The following KCTD16 variants were observed in gnomAD, a reference collection of about 807,000 sequenced individuals.
KCTD16 encodes BTB/POZ domain-containing protein KCTD16.
Under a neutral mutation model 33.2 loss-of-function variants are expected in KCTD16, and 13 were observed. The ratio of observed to expected loss-of-function variants is 0.39; its 90% CI spans 0.25 to 0.62. The LOEUF is 0.62. KCTD16 is among the 20% of genes least tolerant of loss of function. The pLI is 0.50. For missense variants in KCTD16, 441 were observed against 525.1 expected, an observed-to-expected ratio of 0.84 and a Z score of 1.57; for synonymous variants, 197 against 195.3, an observed-to-expected ratio of 1.01 and a Z score of -0.07.
At chr5:144,382,065 A>C (rs1580918404) in intron 3 of KCTD16, among the ~76,000 whole-genome samples, 1 of 142,908 alleles carries the variant, frequency 7.0e-6, no homozygotes, top group East Asian at 1.9e-4. Context: ...AATACTATGC[A>C]GCCCTAAAAA....
intron 3 of KCTD16, among the ~76,000 whole-genome samples, chr5:144,248,846 T>C (rs951910529): frequency 1.3e-5 from 2 of 152,170 alleles, no homozygotes; most frequent in Non-Finnish European, 1.5e-5. Flanking sequence ...GTTTGGGACA[T>C]GTTGAGTTTG....
chr5:144,186,351 T>A (rs1452309430), intron 2 of KCTD16, among the ~76,000 whole-genome samples: 1 of 121,788 alleles, frequency 8.2e-6, no homozygotes, highest in Admixed American at 7.9e-5. Context: ...CTCATTTTTT[T>A]TAAAAAAAAA....
At chr5:144,366,585 G>T (rs1048188783) in intron 3 of KCTD16, among the ~76,000 whole-genome samples, 2 of 152,138 alleles carry the variant, frequency 1.3e-5, no homozygotes, top group Non-Finnish European at 2.9e-5. Flanking sequence ...AATCTATGAA[G>T]CTTCAAGATG....
At chr5:144,286,605 G>T (rs1331379116) in intron 3 of KCTD16, among the ~76,000 whole-genome samples, 1 of 152,212 alleles carries the variant, frequency 6.6e-6, no homozygotes, top group East Asian at 1.9e-4. Flanking sequence ...GGGGGCTGGT[G>T]CTGGAGAAAC....
intron 3 of KCTD16, among the ~76,000 whole-genome samples, chr5:144,358,592 TA>T (rs1207981217): frequency 6.6e-6 from 1 of 152,160 alleles, no homozygotes; most frequent in African/African-American, 2.4e-5. Flanking sequence ...GCCCTGTTAG[TA>T]AATTCCACAA....
At chr5:144,288,703 C>T (rs985226871) in intron 3 of KCTD16, among the ~76,000 whole-genome samples, 5 of 152,286 alleles carry the variant, frequency 3.3e-5, no homozygotes, top group African/African-American at 1.2e-4. Flanking sequence ...GGCATGGTGG[C>T]TCATGCCTGT....
At chr5:144,354,875 T>C (rs1367163504) in intron 3 of KCTD16, among the ~76,000 whole-genome samples, 1 of 152,216 alleles carries the variant, frequency 6.6e-6, no homozygotes, top group Non-Finnish European at 1.5e-5. Context: ...GAGTGTCATG[T>C]ATTTGAAGAT....
At chr5:144,402,423 G>A (rs1236170382) in intron 3 of KCTD16, among the ~76,000 whole-genome samples, 2 of 152,138 alleles carry the variant, frequency 1.3e-5, no homozygotes, top group African/African-American at 4.8e-5. Context: ...CCTGTGTCGA[G>A]TGAGGTCGTC....
intron 3 of KCTD16, among the ~76,000 whole-genome samples, chr5:144,219,652 C>G (rs1452474292): frequency 1.5e-4 from 23 of 151,426 alleles, no homozygotes; most frequent in Non-Finnish European, 1.5e-5. Context: ...TCCTGAGTAG[C>G]TGGGACTCCA....
At chr5:144,285,489 G>A (rs1383689237) in intron 3 of KCTD16, among the ~76,000 whole-genome samples, 1 of 151,928 alleles carries the variant, frequency 6.6e-6, no homozygotes, top group Non-Finnish European at 1.5e-5. Context: ...TCCATCCATC[G>A]CTTATGTAGC....
At chr5:144,213,518 T>C (rs1753465802) in intron 3 of KCTD16, among the ~76,000 whole-genome samples, 1 of 152,118 alleles carries the variant, frequency 6.6e-6, no homozygotes, top group Non-Finnish European at 1.5e-5. Context: ...CTCATCCATC[T>C]CTATGATCTC....
chr5:144,416,716 G>C (rs1753062668), intron 3 of KCTD16, among the ~76,000 whole-genome samples: 1 of 152,034 alleles, frequency 6.6e-6, no homozygotes, highest in South Asian at 2.1e-4. Context: ...TCTATATCAA[G>C]CTCCAAAACA....
rs190112286 is a variant in KCTD16 at position 144,261,658 on chromosome 5, T to C, written c.832+54112T>C. Among the ~76,000 whole-genome samples, 52 of 152,358 alleles carry C rather than the reference T, an allele frequency of 3.4e-4. 1 individual carries two copies. Among genetic ancestry groups the C allele is most frequent in the Middle Eastern group, 3.4e-3 (1 of 294 alleles). On this transcript the variant is annotated intron_variant, in intron 3 of 3. Transcript: ENST00000512467. ...CCTCTGTGAAATCTGGAAATGGATA[T>C]TCAAAGTGTAAAAATTCCTTGCAGT...
At chr5:144,173,248 G>T (rs910730203) in intron 1 of KCTD16, among the ~76,000 whole-genome samples, 6 of 152,212 alleles carry the variant, frequency 3.9e-5, no homozygotes, top group Non-Finnish European at 8.8e-5. Context: ...ATCCATCATA[G>T]ACTGGATAAA....
At chr5:144,192,640 T>C (rs1338943364) in intron 2 of KCTD16, among the ~76,000 whole-genome samples, 3 of 152,306 alleles carry the variant, frequency 2.0e-5, no homozygotes, top group East Asian at 3.9e-4. Context: ...TTTTCATTTA[T>C]GACAGAACCT....
At chr5:144,335,425 GC>G (rs1237840766) in intron 3 of KCTD16, among the ~76,000 whole-genome samples, 1 of 152,162 alleles carries the variant, frequency 6.6e-6, no homozygotes, top group Non-Finnish European at 1.5e-5. Context: ...TGTGATAATG[GC>G]TTCTAATTGT....
At chr5:144,207,716 A>G (rs940277020) in intron 3 of KCTD16, among the ~76,000 whole-genome samples, 170 bp downstream of exon 3, 7 of 152,232 alleles carry the variant, frequency 4.6e-5, no homozygotes, top group African/African-American at 1.4e-4. Context: ...GTCTAACCTA[A>G]GGCAACTTTT....
chr5:144,241,554 A>G (rs1754404527), intron 3 of KCTD16, among the ~76,000 whole-genome samples: 1 of 152,196 alleles, frequency 6.6e-6, no homozygotes, highest in Admixed American at 6.5e-5. Context: ...CTTGCATGTG[A>G]ATAAATATGA....
intron 3 of KCTD16, among the ~76,000 whole-genome samples, chr5:144,417,811 T>C (rs544586499): frequency 1.1e-4 from 17 of 152,286 alleles, no homozygotes; most frequent in African/African-American, 3.6e-4. Context: ...TTCTTCTGCA[T>C]ATGGATATGC....
Sources: allele counts gnomAD v4.1 joint callset (sites outside exome capture counted in the v4.1 genomes callset), GRCh38; gene constraint gnomAD v4.1.1; transcripts MANE v1.5; gene names NCBI Gene and HGNC (gene_info 2026-07-23, HGNC 2026-07-21).